Variants in WDR18 observed in about 807,000 individuals in gnomAD.
The protein encoded by WDR18 is WD repeat-containing protein 18.
Under a neutral mutation model 49.6 loss-of-function variants are expected in WDR18, and 33 were observed. The ratio of observed to expected loss-of-function variants is 0.67; its 90% CI spans 0.50 to 0.89. The LOEUF (loss-of-function observed/expected upper bound fraction) is 0.89. WDR18 is among the 40% of genes least tolerant of loss of function. WDR18 has a pLI of 0.00. For synonymous variants in WDR18, 315 were observed against 263.6 expected (o/e 1.19, Z -1.89); for missense variants, 653 against 593.6 (o/e 1.10, Z -1.04).
In WDR18 at chr19:992,006, C is replaced by G; in HGVS notation, c.983C>G (p.Ser328Ter). 1.3e-6 allele frequency: 2 copies of G among 1,598,410 alleles called. No homozygotes were observed. Among genetic ancestry groups the G allele is most frequent in the Non-Finnish European group, 1.7e-6 (2 of 1,176,272 alleles). Residue 328 changes from serine (S) to a stop codon, truncating the protein, a stop_gained, in exon 8 of 10, where the codon TCA (serine) becomes TGA (stop). Coordinates refer to ENST00000585809, the MANE Select transcript of WDR18 (RefSeq NM_024100.4). LOFTEE classifies it high-confidence loss of function. ...CTGGCGCCCGTCAGCATGCTGAGCTCAGACTTCAGGCCCAGCCTGCCGCTG... is the reference window on the plus strand; with the variant it reads ...CTGGCGCCCGTCAGCATGCTGAGCTGAGACTTCAGGCCCAGCCTGCCGCTG... ...ILLAPVSMLS[S>*]DFRPSLPLPH... is the part of the protein sequence containing the mutation.
rs775560056 is a variant in WDR18 at position 994,096 on chromosome 19, G to A, written c.1167+8G>A. On this transcript the variant is annotated splice_region_variant and intron_variant, in intron 9 of 9. Transcript: ENST00000585809. ...TGCAGCACCATGGAGAAGGTGGGCG[G>A]GGCCTCGGGAGGGGCGGGGCCTGAG... 4.5e-6 allele frequency: 7 copies of A among 1,555,038 alleles called. No individual in the cohort carries two copies. The highest frequency in any genetic ancestry group is 6.1e-6 in the Non-Finnish European group (7 of 1,151,730).
chr19:987,829 GTT>G (rs71174337), intron 2 of WDR18, among the ~76,000 whole-genome samples: 12 of 91,822 alleles, frequency 1.3e-4, no homozygotes, highest in East Asian at 3.6e-4. Context: ...GCCGCCTCCA[GTT>G]TTTTTTTTTT....
In WDR18 at chr19:994,378, T is replaced by G; in HGVS notation, c.*34T>G. On this transcript the variant is annotated 3_prime_UTR_variant, in exon 10 of 10. Coordinates refer to ENST00000585809, the MANE Select transcript of WDR18 (RefSeq NM_024100.4). ...GACCCCGGCCCGAGGCGCCCAGGCC[T>G]GAGCCCCATGCCTCCCAGCAACCAG... is the stretch of plus-strand genomic sequence containing the variant. 1 of 1,579,248 alleles carries G rather than the reference T, an allele frequency of 6.3e-7. No homozygotes were observed. The highest frequency in any genetic ancestry group is 1.1e-5 in the South Asian group (1 of 87,806).
upstream of WDR18, among the ~76,000 whole-genome samples, chr19:983,421 C>T (rs111956692): frequency 0.073 from 11,087 of 152,094 alleles, 1,244 homozygotes; most frequent in African/African-American, 0.24. Flanking sequence ...CCTCCCACCA[C>T]GCCCGGCTTT....
Position 985,890 on chromosome 19 carries a change from GC to G in WDR18, c.240del (p.Pro82LeufsTer5). The G allele has an allele frequency of 1.2e-6, 2 of 1,613,910 alleles. No individual in the cohort carries two copies. The highest frequency in any genetic ancestry group is 1.7e-6 in the Non-Finnish European group (2 of 1,179,996). ...GACCAGCTCCAGCAGAAGATCATGT[GC>G]CCCGGGCCTGTCACCTGTCTGACTG... Reference protein sequence around the residue: ...RKDQLQQKIMCPGPVTCLTAS... With the variant: ...RKDQLQQKIMXPGPVTCLTAS... On this transcript the variant is annotated frameshift_variant, in exon 2 of 10. Transcript: ENST00000585809. LOFTEE classifies it high-confidence loss of function.
chr19:991,370 G>C lies in WDR18; in HGVS notation c.931+19G>C, dbSNP rs771300491. On this transcript the variant is annotated intron_variant, in intron 7 of 9. Coordinates refer to ENST00000585809, the MANE Select transcript of WDR18 (RefSeq NM_024100.4). ...CTCAAAGGTGGGCGCGCCTCTGCTCGGCCCGCGGCCAGCGCGCAGGGGAAA... is the reference window on the plus strand; with the variant it reads ...CTCAAAGGTGGGCGCGCCTCTGCTCCGCCCGCGGCCAGCGCGCAGGGGAAA... 2.7e-5 allele frequency: 42 copies of C among 1,538,346 alleles called. No homozygotes were observed. The highest frequency in any genetic ancestry group is 1.9e-4 in the Middle Eastern group (1 of 5,392).
intron 2 of WDR18, among the ~76,000 whole-genome samples, chr19:989,480 A>G (rs2145508227): frequency 6.6e-6 from 1 of 152,220 alleles, no homozygotes; most frequent in African/African-American, 2.4e-5. Context: ...CACCTCCCTG[A>G]GGCAGCAGGG....
Position 989,950 on chromosome 19 carries a change from G to A in WDR18, c.455+55G>A, listed in dbSNP as rs1352608370. The stretch of plus-strand genomic sequence containing the variant: ...TGGAACTGCACCCGGGCTCAGGCGG[G>A]GAGAGGAGGCGCCAAGGCCCCTGGC... On this transcript the variant is annotated intron_variant, in intron 3 of 9. Transcript: ENST00000585809. 2.6e-6 allele frequency: 4 copies of A among 1,541,700 alleles called. No individual in the cohort carries two copies. The East Asian group carries it at 9.0e-5, about 35-fold the overall frequency.
At chr19:992,551 C>T (rs1363955550) in intron 8 of WDR18, among the ~76,000 whole-genome samples, 2 of 152,314 alleles carry the variant, frequency 1.3e-5, no homozygotes, top group Middle Eastern at 3.4e-3. Context: ...GTGGCTCCCA[C>T]GTGGGCTGGG....
intron 8 of WDR18, 79 bp from the exon 9 acceptor site, chr19:993,941 G>A (rs546066916): frequency 2.0e-6 from 3 of 1,499,132 alleles, no homozygotes; most frequent in Admixed American, 2.0e-5. Context: ...GGCTGCCCAC[G>A]CTGGCGGGGG....
Position 991,943 on chromosome 19 carries a change from C to T in WDR18, c.932-12C>T, listed in dbSNP as rs747650008. On this transcript the variant is annotated splice_polypyrimidine_tract_variant and intron_variant, in intron 7 of 9. Transcript: ENST00000585809. ...CTGGGATGGGGCGGGGCCTGACCTC[C>T]GCGCCCCCCAGGCCCAGTCACCAAT... The T allele has an allele frequency of 1.9e-6, 3 of 1,561,944 alleles. No homozygotes were observed. Among genetic ancestry groups the T allele is most frequent in the Non-Finnish European group, 1.7e-6 (2 of 1,162,072 alleles).
chr19:990,283 G>A lies in WDR18; in HGVS notation c.516G>A (p.Ala172=), dbSNP rs1007494180. The A allele has an allele frequency of 3.8e-6, 6 of 1,598,778 alleles. No individual in the cohort carries two copies. The highest frequency in any genetic ancestry group is 4.5e-5 in the East Asian group (2 of 44,812). The change falls in exon 4 of 10, where the codon GCG becomes GCA. Residue 172 remains alanine (A), a synonymous_variant. Transcript: ENST00000585809. ...CCAGGCACGTCTGGTCTCACCACGC[G>A]CTCCCCATCACGGACCTGCACTGCG... ...PAPRHVWSHH[A]LPITDLHCGF...
chr19:986,476 T>C (rs1193161271), intron 2 of WDR18, among the ~76,000 whole-genome samples: 5 of 151,946 alleles, frequency 3.3e-5, no homozygotes, highest in African/African-American at 1.2e-4. Context: ...ACAATGTTGG[T>C]CAGGCTGGTC....
Position 994,488 on chromosome 19 carries a change from C to G in WDR18, c.*144C>G. ...TTCGGGTTTTTCCTCTGTGACTGGGCCGTCTTGGTGTCTCGTGGCACGCGT... is the reference window on the plus strand; with the variant it reads ...TTCGGGTTTTTCCTCTGTGACTGGGGCGTCTTGGTGTCTCGTGGCACGCGT... On this transcript the variant is annotated 3_prime_UTR_variant, in exon 10 of 10. Transcript: ENST00000585809. 1 of 1,229,800 alleles carries G rather than the reference C, an allele frequency of 8.1e-7. No homozygotes were observed. Among genetic ancestry groups the G allele is most frequent in the South Asian group, 1.5e-5 (1 of 64,862 alleles). 76.2% of individuals were successfully genotyped at this position (1,229,800 alleles called of 1,614,324 possible).
At chr19:983,663 G>A (rs940050183), upstream of WDR18, among the ~76,000 whole-genome samples, 2 of 151,762 alleles carry the variant, frequency 1.3e-5, no homozygotes, top group African/African-American at 4.8e-5. Context: ...CGACTTGTTT[G>A]ACCTACACCA....
chr19:990,051 TG>T, intron 3 of WDR18, 156 bp downstream of exon 3: 1 of 1,398,666 alleles, frequency 7.1e-7, no homozygotes, highest in Non-Finnish European at 9.4e-7. Context: ...CTGCCCACAC[TG>T]GGGTCTGGTT....
At position 994,068 on chromosome 19, in the gene WDR18, C is replaced by A. The variant is rs778212697; in HGVS notation, c.1147C>A (p.Leu383Met). ...LDRTEQLQAV[L>M]CSTMEKSVLG... ...CCGCACGGAGCAGCTGCAGGCCGTC[C>A]TGTGCAGCACCATGGAGAAGGTGGG... The change falls in exon 9 of 10, where the codon CTG becomes ATG. Residue 383 changes from leucine (L) to methionine (M), a missense_variant. Physicochemically the swap from Leu to Met is conservative, Grantham distance 15. Coordinates refer to ENST00000585809, the MANE Select transcript of WDR18 (RefSeq NM_024100.4). 1.9e-5 allele frequency: 29 copies of A among 1,559,592 alleles called. No individual in the cohort carries two copies. Among genetic ancestry groups the A allele is most frequent in the Non-Finnish European group, 2.4e-5 (28 of 1,153,212 alleles).
chr19:983,016 C>T (rs994587024), upstream of WDR18, among the ~76,000 whole-genome samples: 2 of 152,236 alleles, frequency 1.3e-5, no homozygotes, highest in Non-Finnish European at 2.9e-5. Context: ...AGCCTCCAGC[C>T]CCTGCCTCTT....
At chr19:991,768 T>G (rs2038556222) in intron 7 of WDR18, among the ~76,000 whole-genome samples, 187 bp from the exon 8 acceptor site, 2 of 82,750 alleles carry the variant, frequency 2.4e-5, no homozygotes, top group Admixed American at 1.5e-4. Flanking sequence ...GAACTGGCTT[T>G]GCTGTGGGGT....
Sources: allele counts gnomAD v4.1 joint callset (sites outside exome capture counted in the v4.1 genomes callset), GRCh38; gene constraint gnomAD v4.1.1; transcripts MANE v1.5; gene names NCBI Gene and HGNC (gene_info 2026-07-23, HGNC 2026-07-21).